LAP3: variants seen among roughly 807,000 people sequenced by gnomAD.
The protein encoded by LAP3 is cytosol aminopeptidase.
A neutral mutation model predicts 58.8 loss-of-function variants in LAP3; 46 were observed. The ratio of observed to expected loss-of-function variants is 0.78; its 90% CI spans 0.62 to 1.00. The LOEUF (loss-of-function observed/expected upper bound fraction) is 1.00. LAP3 is among the 50% of genes least tolerant of loss of function. The pLI is 0.00. For synonymous variants in LAP3, 257 were observed against 237.7 expected, an observed-to-expected ratio of 1.08 and a Z score of -0.75; for missense variants, 615 against 659.1, an observed-to-expected ratio of 0.93 and a Z score of 0.73.
At chr4:17,582,467 C>T in intron 4 of LAP3, 74 bp downstream of exon 4, 1 of 1,222,708 alleles carries the variant, frequency 8.2e-7, no homozygotes, top group South Asian at 1.3e-5. Context: ...CCCTTTTTGT[C>T]CTTTTACCAG....
chr4:17,588,218 A>G (rs1713580530), intron 6 of LAP3, among the ~76,000 whole-genome samples: 4 of 151,056 alleles, frequency 2.6e-5, no homozygotes, highest in South Asian at 4.2e-4. Context: ...TTTTTTCTGT[A>G]GAGACCAAGT....
At chr4:17,582,226 C>T (rs1387250338) in intron 3 of LAP3, 62 bp from the exon 4 acceptor site, 3 of 1,355,976 alleles carry the variant, frequency 2.2e-6, no homozygotes, top group Admixed American at 1.8e-5. Context: ...ATGTAGAATT[C>T]CTTGCTGGAA....
chr4:17,581,617 C>G (rs1358126220), intron 2 of LAP3, 143 bp from the exon 3 acceptor site: 2 of 607,142 alleles, frequency 3.3e-6, no homozygotes, highest in East Asian at 2.9e-5. Flanking sequence ...TGAGAGCATT[C>G]TGTATTTGGA....
intron 10 of LAP3, among the ~76,000 whole-genome samples, chr4:17,603,431 G>A (rs1315871331): frequency 1.5e-4 from 23 of 152,104 alleles, no homozygotes; most frequent in African/African-American, 5.6e-4. Flanking sequence ...GCTGACATGG[G>A]AAGATTGCTT....
chr4:17,579,507 C>T (rs922660408), intron 1 of LAP3, among the ~76,000 whole-genome samples: 1 of 152,156 alleles, frequency 6.6e-6, no homozygotes, highest in Non-Finnish European at 1.5e-5. Context: ...ATCTTGGTGA[C>T]AAATAGATTT....
intron 11 of LAP3, among the ~76,000 whole-genome samples, chr4:17,604,987 T>G (rs1473247400): frequency 6.6e-6 from 1 of 152,158 alleles, no homozygotes; most frequent in Non-Finnish European, 1.5e-5. Flanking sequence ...GGAGCAGCGT[T>G]TGTGACTGCG....
chr4:17,579,805 G>A lies in LAP3; in HGVS notation c.103-19G>A, dbSNP rs754150532. The A allele has an allele frequency of 1.1e-5, 16 of 1,419,262 alleles. No individual in the cohort carries two copies. Among genetic ancestry groups the A allele is most frequent in the African/African-American group, 1.0e-4 (7 of 69,966 alleles). The allele number at this position is 1,419,262 out of a possible 1,614,324, so 87.9% of individuals were successfully genotyped here. A position where few individuals can be genotyped will look rare whatever the true frequency, so the allele number is the denominator to read the frequency against. ...TCTACTCTAATTCTATTATATTTAC[G>A]TTTTTTGCTTATTCCCAGGGCCTTG... On this transcript the variant is annotated intron_variant, in intron 1 of 12. Transcript: ENST00000226299.
rs937562131 is a variant in LAP3 at position 17,579,683 on chromosome 4, T to G, written c.103-141T>G. 6 of 506,244 alleles carry G rather than the reference T, an allele frequency of 1.2e-5. No individual in the cohort carries two copies. The South Asian group carries it at 1.2e-4, about 11-fold the overall frequency. The allele number at this position is 506,244 out of a possible 1,614,324, so 31.4% of individuals were successfully genotyped here. A position where few individuals can be genotyped will look rare whatever the true frequency, so the allele number is the denominator to read the frequency against. ...CATGTAGCTGACCCCAGCACCTGCT[T>G]CTTTTTTTGCTTTCTTCTGTCCATG... On this transcript the variant is annotated intron_variant, in intron 1 of 12. Coordinates refer to ENST00000226299, the MANE Select transcript of LAP3 (RefSeq NM_015907.3).
At chr4:17,585,198 A>C in intron 6 of LAP3, 62 bp downstream of exon 6, 1 of 1,366,368 alleles carries the variant, frequency 7.3e-7, no homozygotes, top group South Asian at 1.2e-5. Flanking sequence ...TTGAGATCCT[A>C]AAATCCAGCT....
rs139250524 is a variant in LAP3 at position 17,587,690 on chromosome 4, G to A, written c.705-1129G>A. 391 of 152,264 alleles carry A rather than the reference G, an allele frequency of 2.6e-3. 2 individuals carry two copies. The highest frequency in any genetic ancestry group is 8.9e-3 in the African/African-American group (370 of 41,558). 9.4% of individuals were successfully genotyped at this position (152,264 alleles called of 1,614,324 possible). A position where few individuals can be genotyped will look rare whatever the true frequency, so the allele number is the denominator to read the frequency against. On this transcript the variant is annotated intron_variant, in intron 6 of 12. Transcript: ENST00000226299. ...TTTTGTGCTCCTAGCCTAGAAAGAAGAGCAATATGGCATCAGTTTTCTAGT... is the reference window on the plus strand; with the variant it reads ...TTTTGTGCTCCTAGCCTAGAAAGAAAAGCAATATGGCATCAGTTTTCTAGT...
rs1560343860 is a variant in LAP3, at chr4:17,587,907, CATTG to C, written c.705-911_705-908del. Among the ~76,000 whole-genome samples the C allele has an allele frequency of 8.0e-5, 12 of 150,388 alleles. No homozygotes were observed. The East Asian group carries it at 1.9e-3, about 24-fold the overall frequency. On this transcript the variant is annotated intron_variant, in intron 6 of 12. Transcript: ENST00000226299. ...ATAAATAGGATATTTTTTTTCCAGT[CATTG>C]GGATATAGCTTTGGTTTGCTGTCTG... is the stretch of plus-strand genomic sequence containing the variant.
rs200088498 is a variant in LAP3, at chr4:17,607,547, T to G, written c.1518T>G (p.Thr506=). ...RKGMTGRPTR[T]LIEFLLRFSQ... is the part of the protein sequence containing the mutation. ...GCATGACTGGGAGGCCCACAAGGAC[T>G]CTCATTGAGTTCTTACTTCGTTTCA... Residue 506 remains threonine, a synonymous_variant, in exon 13 of 13, where the codon ACT becomes ACG. Transcript: ENST00000226299. The G allele has an allele frequency of 2.0e-3, 3,210 of 1,613,828 alleles. 61 individuals carry two copies. The South Asian group carries it at 0.028, about 14-fold the overall frequency.
rs369409998 is a variant in LAP3, at chr4:17,604,672, G to T, written c.1260+5G>T. On this transcript the variant is annotated splice_donor_5th_base_variant and intron_variant, in intron 11 of 12. Transcript: ENST00000226299. ...CTCTGGAACAAACTCTTCGAGGTAG[G>T]AATAATATTTGTATATCTAAATTGT... The T allele has an allele frequency of 8.3e-4, 1,327 of 1,594,894 alleles. 1 individual carries two copies. Among genetic ancestry groups the T allele is most frequent in the Admixed American group, 1.1e-3 (63 of 59,984 alleles).
At position 17,577,321 on chromosome 4, in the gene LAP3, C is replaced by T; in HGVS notation, c.-145C>T. 1.2e-5 allele frequency: 4 copies of T among 339,392 alleles called. No homozygotes were observed. 21.0% of individuals were successfully genotyped at this position (339,392 alleles called of 1,614,324 possible). A position where few individuals can be genotyped will look rare whatever the true frequency, so the allele number is the denominator to read the frequency against. Reference sequence around the variant, plus strand: ...GGCCGGTGCTGCCCATCCGTCCCGCCCCCTAGACGCACGTCCGCTCGCCCG... The same window carrying T: ...GGCCGGTGCTGCCCATCCGTCCCGCTCCCTAGACGCACGTCCGCTCGCCCG... On this transcript the variant is annotated 5_prime_UTR_variant, in exon 1 of 13. Coordinates refer to ENST00000226299, the MANE Select transcript of LAP3 (RefSeq NM_015907.3).
At chr4:17,580,972 T>G (rs538245057) in intron 2 of LAP3, among the ~76,000 whole-genome samples, 281 of 152,366 alleles carry the variant, frequency 1.8e-3, no homozygotes, top group African/African-American at 6.4e-3. Context: ...TCTCAATTTT[T>G]TATCAGTTCT....
At chr4:17,598,625 C>A in intron 10 of LAP3, 67 bp downstream of exon 10, 2 of 1,141,456 alleles carry the variant, frequency 1.8e-6, no homozygotes, top group East Asian at 4.7e-5. Flanking sequence ...ATTTCACACA[C>A]TATACTTGTG....
In LAP3 at chr4:17,583,515, T is replaced by C; in HGVS notation, c.412T>C (p.Ser138Pro). 18 of 1,614,142 alleles carry C rather than the reference T, an allele frequency of 1.1e-5. No homozygotes were observed. The highest frequency in any genetic ancestry group is 1.4e-5 in the Non-Finnish European group (16 of 1,180,038). Reference protein sequence around the residue: ...GCRQIQDLELSSVEVDPCGDA... With the variant: ...GCRQIQDLELPSVEVDPCGDA... ...CAGGCAGATTCAAGACCTGGAGCTCTCGTCTGTGGAGGTGGATCCCTGTGG... is the reference window on the plus strand; with the variant it reads ...CAGGCAGATTCAAGACCTGGAGCTCCCGTCTGTGGAGGTGGATCCCTGTGG... The change falls in exon 5 of 13, where the codon TCG becomes CCG. Residue 138 changes from serine to proline, a missense_variant. Physicochemically the swap from Ser to Pro is moderately conservative, Grantham distance 74. Transcript: ENST00000226299.
intron 12 of LAP3, 101 bp downstream of exon 12, chr4:17,607,039 AT>A: frequency 7.0e-6 from 5 of 712,174 alleles, no homozygotes; most frequent in Non-Finnish European, 1.1e-5. Flanking sequence ...TAACTATTTA[AT>A]TTCCTTTTGG....
chr4:17,583,513 T>C lies in LAP3; in HGVS notation c.410T>C (p.Leu137Pro). The C allele has an allele frequency of 1.9e-6, 3 of 1,614,056 alleles. No individual in the cohort carries two copies. The highest frequency in any genetic ancestry group is 2.5e-6 in the Non-Finnish European group (3 of 1,180,010). The change falls in exon 5 of 13, where the codon CTC becomes CCC. Residue 137 changes from leucine to proline, a missense_variant. Coordinates refer to ENST00000226299, the MANE Select transcript of LAP3 (RefSeq NM_015907.3). ...AGCRQIQDLELSSVEVDPCGD... is the reference protein window; with the variant it reads ...AGCRQIQDLEPSSVEVDPCGD... ...TGCAGGCAGATTCAAGACCTGGAGC[T>C]CTCGTCTGTGGAGGTGGATCCCTGT...
Sources: allele counts gnomAD v4.1 joint callset (sites outside exome capture counted in the v4.1 genomes callset), GRCh38; gene constraint gnomAD v4.1.1; transcripts MANE v1.5; gene names NCBI Gene and HGNC (gene_info 2026-07-23, HGNC 2026-07-21).